Variants in DSCAM observed in about 807,000 individuals in gnomAD.
The protein encoded by DSCAM is cell adhesion molecule DSCAM.
In DSCAM, 47 loss-of-function variants were observed where a neutral mutation model predicts 217.7. That is an observed-to-expected ratio of 0.22 (90% CI 0.17 to 0.28). The LOEUF (loss-of-function observed/expected upper bound fraction) is 0.28. Among genes scored for constraint, DSCAM ranks in the 10% least tolerant of loss-of-function variants. The probability of loss-of-function intolerance (pLI) is 1.00; values close to 1 mark genes in which losing one functional copy is unlikely to be tolerated. For missense variants in DSCAM, 2,080 were observed against 2,618.3 expected (o/e 0.79, Z 4.49); for synonymous variants, 1,056 against 1,015.3 (o/e 1.04, Z -0.76).
At chr21:40,349,592 T>C (rs879405012) in intron 5 of DSCAM, among the ~76,000 whole-genome samples, 25 of 152,216 alleles carry the variant, frequency 1.6e-4, no homozygotes, top group Non-Finnish European at 2.6e-4. Context: ...TCATACATCA[T>C]TTAAGTCAGT....
chr21:40,378,844 C>T (rs1345492745), intron 3 of DSCAM, among the ~76,000 whole-genome samples: 3 of 151,910 alleles, frequency 2.0e-5, no homozygotes, highest in South Asian at 2.1e-4. Context: ...CCGCCCGCCT[C>T]GGCCTCCCAA....
chr21:40,818,806 G>C (rs1021953525), intron 1 of DSCAM, among the ~76,000 whole-genome samples: 2 of 152,068 alleles, frequency 1.3e-5, no homozygotes, highest in Admixed American at 6.6e-5. Flanking sequence ...ACTAAATTTA[G>C]ATAATGTCTA....
intron 32 of DSCAM, among the ~76,000 whole-genome samples, chr21:40,021,836 G>A (rs2088278411): frequency 6.6e-6 from 1 of 152,110 alleles, no homozygotes; most frequent in Non-Finnish European, 1.5e-5. Context: ...ACATCCATCA[G>A]CAGATTCACA....
intron 3 of DSCAM, among the ~76,000 whole-genome samples, chr21:40,372,536 G>A (rs985687755): frequency 4.6e-5 from 7 of 152,178 alleles, no homozygotes; most frequent in Admixed American, 1.3e-4. Flanking sequence ...TTTGGACATC[G>A]ATTATTGAGC....
chr21:40,145,564 G>C (rs1359919717), intron 16 of DSCAM, among the ~76,000 whole-genome samples: 1 of 152,112 alleles, frequency 6.6e-6, no homozygotes, highest in Non-Finnish European at 1.5e-5. Context: ...ATGGTATAAG[G>C]CTGGGCGCGG....
intron 1 of DSCAM, among the ~76,000 whole-genome samples, chr21:40,817,587 T>C (rs1007425550): frequency 3.3e-5 from 5 of 152,160 alleles, no homozygotes; most frequent in African/African-American, 9.7e-5. Context: ...GCGTGATGCA[T>C]AATGCATTGT....
At chr21:40,208,039 G>A (rs2091144762) in intron 11 of DSCAM, among the ~76,000 whole-genome samples, 1 of 152,104 alleles carries the variant, frequency 6.6e-6, no homozygotes, top group Admixed American at 6.5e-5. Context: ...CGAATTTTAG[G>A]GGGAGACACA....
intron 3 of DSCAM, among the ~76,000 whole-genome samples, chr21:40,563,297 A>T (rs1379470548): frequency 6.6e-6 from 1 of 151,848 alleles, no homozygotes; most frequent in African/African-American, 2.4e-5. Flanking sequence ...GTCACCTGAG[A>T]TCAAGAGATC....
In DSCAM at chr21:40,844,646, A is replaced by G. The variant is rs151278074; in HGVS notation, c.43+1973T>C. On this transcript the variant is annotated intron_variant, in intron 1 of 32. Coordinates refer to ENST00000400454, the MANE Select transcript of DSCAM (RefSeq NM_001389.5). ...CATATTGCAGAATATTTGAGGTTTCATATAATTGTATTACCATATATAATT... is the reference window on the plus strand; with the variant it reads ...CATATTGCAGAATATTTGAGGTTTCGTATAATTGTATTACCATATATAATT... Among the ~76,000 whole-genome samples, 250 of 151,474 alleles carry G rather than the reference A, an allele frequency of 1.7e-3. 3 individuals carry two copies. Among genetic ancestry groups the G allele is most frequent in the East Asian group, 1.7e-3 (9 of 5,188 alleles).
At chr21:40,212,788 T>A (rs1460395015) in intron 11 of DSCAM, among the ~76,000 whole-genome samples, 2 of 152,144 alleles carry the variant, frequency 1.3e-5, no homozygotes, top group Non-Finnish European at 2.9e-5. Flanking sequence ...TTAAAGAAAG[T>A]AAGAACCTCT....
intron 3 of DSCAM, among the ~76,000 whole-genome samples, chr21:40,579,401 A>G (rs914496554): frequency 1.3e-5 from 2 of 152,144 alleles, no homozygotes; most frequent in Admixed American, 6.5e-5. Context: ...ATATGAAAGA[A>G]AAGTTAGGAG....
chr21:40,459,398 A>C, intron 3 of DSCAM, among the ~76,000 whole-genome samples: 1 of 152,220 alleles, frequency 6.6e-6, no homozygotes, highest in East Asian at 1.9e-4. Flanking sequence ...GTATAAATAA[A>C]AAGTTCATGA....
chr21:40,142,898 T>C (rs1472725764), intron 17 of DSCAM, among the ~76,000 whole-genome samples, 194 bp from the exon 18 acceptor site: 1 of 152,238 alleles, frequency 6.6e-6, no homozygotes, highest in Non-Finnish European at 1.5e-5. Flanking sequence ...TAAAATATCA[T>C]GAGTCAATGC....
At chr21:40,513,115 G>C (rs1295506360) in intron 3 of DSCAM, 2 of 152,188 alleles carry the variant, frequency 1.3e-5, no homozygotes, top group Admixed American at 1.3e-4. Context: ...TGGTCAGGCT[G>C]GTCTTGAACT....
rs532087995 is a variant in DSCAM, at chr21:40,363,496, G to A, written c.655+5603C>T. 7.2e-5 allele frequency among the ~76,000 whole-genome samples: 11 copies of A among 152,022 alleles called. No homozygotes were observed. The South Asian group carries it at 2.1e-3, about 29-fold the overall frequency. On this transcript the variant is annotated intron_variant, in intron 4 of 32. Transcript: ENST00000400454. ...TTGAACTCCTGACCTCAAGTGGTCT[G>A]CCTGCCTCGGTCTCCCAAAGTGCTG...
intron 3 of DSCAM, among the ~76,000 whole-genome samples, chr21:40,591,310 T>G (rs544375496): frequency 6.6e-6 from 1 of 152,238 alleles, no homozygotes; most frequent in East Asian, 1.9e-4. Context: ...ATAAACAACA[T>G]AAATATTTTT....
chr21:40,317,530 CTTTCT>C (rs2074211362), intron 8 of DSCAM, among the ~76,000 whole-genome samples: 1 of 149,838 alleles, frequency 6.7e-6, no homozygotes, highest in Non-Finnish European at 1.5e-5. Context: ...TTTTTCTTTT[CTTTCT>C]TTTTCTTTTT....
chr21:40,051,452 T>C (rs939956679), intron 30 of DSCAM, among the ~76,000 whole-genome samples: 5 of 152,230 alleles, frequency 3.3e-5, no homozygotes, highest in African/African-American at 1.2e-4. Context: ...GCTTTGGGGA[T>C]AGATGGGTCT....
At chr21:40,569,578 C>A (rs2146201162) in intron 3 of DSCAM, among the ~76,000 whole-genome samples, 1 of 152,270 alleles carries the variant, frequency 6.6e-6, no homozygotes, top group Admixed American at 6.5e-5. Context: ...ACTCTCAGCC[C>A]CGCCCCATAG....
Sources: gnomAD v4.1 joint callset for allele counts (sites outside exome capture counted in the v4.1 genomes callset) on GRCh38, gnomAD v4.1.1 for gene constraint, MANE v1.5 for transcripts, NCBI Gene and HGNC (gene_info 2026-07-23, HGNC 2026-07-21) for gene names.